GDAP2: variants seen among roughly 807,000 people sequenced by gnomAD.
GDAP2 encodes the protein ganglioside-induced differentiation-associated protein 2.
GDAP2 carries 51 observed loss-of-function variants against 67.0 expected under a neutral mutation model. That is an observed-to-expected ratio of 0.76 (90% CI 0.61 to 0.96). The LOEUF (loss-of-function observed/expected upper bound fraction) is 0.96. Ranked by LOEUF, GDAP2 falls within the 40% of genes least tolerant of loss-of-function variation. The probability of loss-of-function intolerance (pLI) is 0.00; values close to 1 mark genes in which losing one functional copy is unlikely to be tolerated. For missense variants in GDAP2, 547 were observed against 588.3 expected (o/e 0.93, Z 0.73); for synonymous variants, 203 against 207.3 (o/e 0.98, Z 0.18).
intron 8 of GDAP2, among the ~76,000 whole-genome samples, chr1:117,889,281 TA>T (rs1261697733): frequency 6.6e-6 from 1 of 152,132 alleles, no homozygotes; most frequent in Non-Finnish European, 1.5e-5. Flanking sequence ...TGAATCAAGC[TA>T]ATGAACATAT....
intron 13 of GDAP2, among the ~76,000 whole-genome samples, chr1:117,871,911 A>C (rs964974864): frequency 6.6e-6 from 1 of 152,218 alleles, no homozygotes; most frequent in African/African-American, 2.4e-5. Context: ...GACAACCTAC[A>C]GAATGGGAGA....
chr1:117,893,885 AAC>A (rs1377862721), intron 8 of GDAP2, among the ~76,000 whole-genome samples: 10 of 152,330 alleles, frequency 6.6e-5, no homozygotes, highest in African/African-American at 1.7e-4. Flanking sequence ...TAGAAATAAA[AAC>A]AGAGAAATTT....
chr1:117,866,861 G>C lies in GDAP2; in HGVS notation c.*3708C>G, dbSNP rs991929606. 11 of 143,424 alleles carry C rather than the reference G, an allele frequency of 7.7e-5. No individual in the cohort carries two copies. Among genetic ancestry groups the C allele is most frequent in the Non-Finnish European group, 1.4e-4 (9 of 65,562 alleles). 8.9% of individuals were successfully genotyped at this position (143,424 alleles called of 1,614,324 possible). A position where few individuals can be genotyped will look rare whatever the true frequency, so the allele number is the denominator to read the frequency against. On this transcript the variant is annotated 3_prime_UTR_variant, in exon 14 of 14. Transcript: ENST00000369443. ...CAAAAAAAAAAAAAAAGTACAGTAAGGCCCTTTAAAAAAAAAAAAGAAAAA... is the reference window on the plus strand; with the variant it reads ...CAAAAAAAAAAAAAAAGTACAGTAACGCCCTTTAAAAAAAAAAAAGAAAAA...
chr1:117,908,838 AAT>A (rs1371425213), intron 5 of GDAP2, among the ~76,000 whole-genome samples: 11 of 152,014 alleles, frequency 7.2e-5, no homozygotes, highest in African/African-American at 2.7e-4. Flanking sequence ...AAAATAAATA[AAT>A]AAATAAATAA....
intron 3 of GDAP2, among the ~76,000 whole-genome samples, chr1:117,913,018 C>T (rs557413722): frequency 1.4e-4 from 21 of 152,212 alleles, no homozygotes; most frequent in African/African-American, 4.8e-4. Context: ...ATAACTAATA[C>T]GAAGCAAGTT....
intron 8 of GDAP2, among the ~76,000 whole-genome samples, chr1:117,889,580 G>A (rs1648995366): frequency 6.6e-6 from 1 of 151,752 alleles, no homozygotes; most frequent in African/African-American, 2.4e-5. Flanking sequence ...GTTTTTCTGT[G>A]CTTGACTTAT....
At chr1:117,880,349 CAG>C (rs1383566882) in intron 12 of GDAP2, among the ~76,000 whole-genome samples, 1 of 152,004 alleles carries the variant, frequency 6.6e-6, no homozygotes, top group Admixed American at 6.6e-5. Flanking sequence ...ATGCAGGTAA[CAG>C]AGAGAGAGAA....
intron 1 of GDAP2, among the ~76,000 whole-genome samples, chr1:117,926,975 G>A (rs1020056636): frequency 2.7e-5 from 4 of 149,450 alleles, no homozygotes; most frequent in Non-Finnish European, 5.9e-5. Context: ...CTTTTAATAA[G>A]TTCATAAACA....
In GDAP2 at chr1:117,883,553, C is replaced by G; in HGVS notation, c.1182G>C (p.Leu394=). The G allele has an allele frequency of 6.2e-7, 1 of 1,608,568 alleles. No individual in the cohort carries two copies. Among genetic ancestry groups the G allele is most frequent in the Non-Finnish European group, 8.5e-7 (1 of 1,175,312 alleles). ...KEYVLVYFHT[L]TSEYNHLDSD... ...AGTCCAGGTGATTGTATTCGCTGGT[C>G]AGGGTGTGAAAATACACTAATACAT... The change falls in exon 11 of 14, where the codon CTG becomes CTC. Residue 394 remains leucine, a synonymous_variant. Coordinates refer to ENST00000369443, the MANE Select transcript of GDAP2 (RefSeq NM_017686.4).
chr1:117,885,856 AAT>A (rs1648835813), intron 10 of GDAP2, among the ~76,000 whole-genome samples: 1 of 152,102 alleles, frequency 6.6e-6, no homozygotes, highest in African/African-American at 2.4e-5. Context: ...TTCTCTACAT[AAT>A]TATCTTGTGG....
In GDAP2 at chr1:117,870,511, TA is replaced by T; in HGVS notation, c.*57del. The T allele has an allele frequency of 1.0e-6, 1 of 997,038 alleles. No individual in the cohort carries two copies. The highest frequency in any genetic ancestry group is 2.4e-5 in the East Asian group (1 of 42,104). The allele number at this position is 997,038 out of a possible 1,614,324, so 61.8% of individuals were successfully genotyped here. On this transcript the variant is annotated 3_prime_UTR_variant, in exon 14 of 14. Transcript: ENST00000369443. ...CAACAATGAATATCACTTCAACAGG[TA>T]GCTATTCGTGGAGGAAGTGGCATCC...
intron 1 of GDAP2, among the ~76,000 whole-genome samples, chr1:117,922,390 G>A (rs989266497): frequency 2.6e-5 from 4 of 152,144 alleles, no homozygotes; most frequent in African/African-American, 9.7e-5. Context: ...GCCAAGTGAA[G>A]AAAACATTTC....
intron 2 of GDAP2, 134 bp from the exon 3 acceptor site, chr1:117,918,870 TAGAAA>T: frequency 2.9e-6 from 2 of 698,800 alleles, no homozygotes; most frequent in Non-Finnish European, 2.4e-6. Flanking sequence ...TAAGCAATAG[TAGAAA>T]AGAAATTTCT....
chr1:117,900,973 C>T (rs1472330431), intron 6 of GDAP2, among the ~76,000 whole-genome samples: 4 of 151,930 alleles, frequency 2.6e-5, no homozygotes, highest in African/African-American at 7.3e-5. Flanking sequence ...GGCAAGAGAA[C>T]GGCTTGAACC....
chr1:117,875,040 A>T (rs1310714823), intron 13 of GDAP2, among the ~76,000 whole-genome samples: 2 of 152,228 alleles, frequency 1.3e-5, no homozygotes, highest in Non-Finnish European at 2.9e-5. Flanking sequence ...ATTTATAATT[A>T]AAAAGGACAC....
At chr1:117,889,645 TTAA>T (rs1648997303) in intron 8 of GDAP2, among the ~76,000 whole-genome samples, 2 of 152,102 alleles carry the variant, frequency 1.3e-5, no homozygotes, top group South Asian at 2.1e-4. Context: ...GACAAAACTA[TTAA>T]TAATAGCAAC....
At chr1:117,898,357 G>A (rs1296857266) in intron 7 of GDAP2, among the ~76,000 whole-genome samples, 1 of 152,140 alleles carries the variant, frequency 6.6e-6, no homozygotes, top group African/African-American at 2.4e-5. Flanking sequence ...ATTCCCTCCA[G>A]TTGATTAAAG....
chr1:117,897,043 A>C, intron 7 of GDAP2, 54 bp from the exon 8 acceptor site: 1 of 1,265,058 alleles, frequency 7.9e-7, no homozygotes, highest in Non-Finnish European at 1.1e-6. Context: ...CTAGATAGTA[A>C]ACATTGTGAA....
intron 5 of GDAP2, among the ~76,000 whole-genome samples, chr1:117,907,717 C>T (rs1279040968): frequency 6.6e-6 from 1 of 152,188 alleles, no homozygotes; most frequent in African/African-American, 2.4e-5. Context: ...GTTCTCAAGG[C>T]TCACACAGAC....
Sources: gnomAD v4.1 joint callset for allele counts (sites outside exome capture counted in the v4.1 genomes callset) on GRCh38, gnomAD v4.1.1 for gene constraint, MANE v1.5 for transcripts, NCBI Gene and HGNC (gene_info 2026-07-23, HGNC 2026-07-21) for gene names.